CSMD3: variants seen among roughly 807,000 people sequenced by gnomAD.
CSMD3 encodes the protein CUB and Sushi multiple domains 3, also known as CUB and sushi domain-containing protein 3.
CSMD3 carries 177 observed loss-of-function variants against 435.2 expected under a neutral mutation model. The ratio of observed to expected loss-of-function variants is 0.41; its 90% confidence interval spans 0.36 to 0.46. The LOEUF is 0.46. Among genes scored for constraint, CSMD3 ranks in the 20% least tolerant of loss-of-function variants. The pLI is 0.34. For synonymous variants in CSMD3, 1,656 were observed against 1,520.5 expected, an observed-to-expected ratio of 1.09 and a Z score of -2.07; for missense variants, 4,265 against 4,504.6, an observed-to-expected ratio of 0.95 and a Z score of 1.52.
At chr8:112,464,272 A>T (rs2130700702) in intron 32 of CSMD3, among the ~76,000 whole-genome samples, 1 of 151,608 alleles carries the variant, frequency 6.6e-6, no homozygotes, top group Non-Finnish European at 1.5e-5. Context: ...CTTTGCTGAT[A>T]TTGCTATCCA....
intron 22 of CSMD3, among the ~76,000 whole-genome samples, chr8:112,630,385 A>G (rs1019005287): frequency 1.6e-4 from 25 of 152,186 alleles, no homozygotes; most frequent in African/African-American, 5.1e-4. Flanking sequence ...ACAGTCAGAA[A>G]GAGTAGGTTT....
At chr8:112,331,956 T>C (rs938501847) in intron 45 of CSMD3, among the ~76,000 whole-genome samples, 2 of 152,080 alleles carry the variant, frequency 1.3e-5, no homozygotes, top group Non-Finnish European at 2.9e-5. Flanking sequence ...AACAGGCATA[T>C]CTTCTTGTTC....
intron 17 of CSMD3, among the ~76,000 whole-genome samples, chr8:112,663,324 ATGTCCTT>A (rs1167470959): frequency 1.3e-5 from 2 of 152,102 alleles, no homozygotes; most frequent in African/African-American, 4.8e-5. Context: ...TGATGAGTTC[ATGTCCTT>A]TGTAGGGACA....
chr8:112,777,282 T>C (rs1200337417), intron 13 of CSMD3, among the ~76,000 whole-genome samples: 3 of 151,828 alleles, frequency 2.0e-5, no homozygotes, highest in Admixed American at 6.6e-5. Flanking sequence ...GAAAGAAAAG[T>C]AGTATGTTTA....
At chr8:112,535,863 T>C (rs1469728764) in intron 27 of CSMD3, among the ~76,000 whole-genome samples, 3 of 151,966 alleles carry the variant, frequency 2.0e-5, no homozygotes, top group Admixed American at 6.6e-5. Context: ...TCAGAAATAA[T>C]GCCACATACC....
In CSMD3 at chr8:112,468,535, A is replaced by G. The variant is rs1415059306; in HGVS notation, c.5395+4056T>C. Among the ~76,000 whole-genome samples, 10 of 152,104 alleles carry G rather than the reference A, an allele frequency of 6.6e-5. No homozygotes were observed. In the South Asian group the frequency reaches 2.1e-3, roughly 31 times the overall value. On this transcript the variant is annotated intron_variant, in intron 32 of 70. Coordinates refer to ENST00000297405, the MANE Select transcript of CSMD3 (RefSeq NM_198123.2). ...TGGACTCCTATACTCTAGGTATAAT[A>G]CATATTAACAAAAAATTTTCCCTCT...
chr8:112,568,649 A>G (rs1829259075), intron 24 of CSMD3, among the ~76,000 whole-genome samples: 1 of 152,144 alleles, frequency 6.6e-6, no homozygotes, highest in South Asian at 2.1e-4. Flanking sequence ...GTATTTTCAT[A>G]CTAGGTATGC....
intron 45 of CSMD3, among the ~76,000 whole-genome samples, chr8:112,323,956 C>A (rs747110982): frequency 6.6e-6 from 1 of 152,054 alleles, no homozygotes; most frequent in Non-Finnish European, 1.5e-5. Flanking sequence ...CCTACTCACA[C>A]AGCCAGAATT....
chr8:112,925,196 A>C (rs1289184223), intron 9 of CSMD3, among the ~76,000 whole-genome samples: 1 of 151,844 alleles, frequency 6.6e-6, no homozygotes, highest in Non-Finnish European at 1.5e-5. Flanking sequence ...TACAATGTCT[A>C]CTCTGCCAGG....
At chr8:112,929,809 A>G (rs2083047478) in intron 9 of CSMD3, among the ~76,000 whole-genome samples, 1 of 152,112 alleles carries the variant, frequency 6.6e-6, no homozygotes, top group African/African-American at 2.4e-5. Context: ...TACAATATAC[A>G]TACACTTAAG....
At chr8:113,433,368 C>T (rs373217698) in intron 1 of CSMD3, among the ~76,000 whole-genome samples, 3 of 152,136 alleles carry the variant, frequency 2.0e-5, no homozygotes, top group African/African-American at 7.2e-5. Flanking sequence ...CTGAAAGCTC[C>T]GGACATGGCC....
intron 2 of CSMD3, among the ~76,000 whole-genome samples, chr8:113,279,172 A>G (rs1184868290): frequency 6.6e-6 from 1 of 150,724 alleles, no homozygotes; most frequent in East Asian, 1.9e-4. Flanking sequence ...CTCTATGAAG[A>G]GCGATAACAT....
intron 50 of CSMD3, among the ~76,000 whole-genome samples, chr8:112,308,579 C>T (rs1821661606): frequency 6.6e-6 from 1 of 152,006 alleles, no homozygotes; most frequent in Admixed American, 6.5e-5. Context: ...GTAAAAGAGG[C>T]TTGTCTATAC....
At chr8:112,725,499 G>C (rs1191354539) in intron 13 of CSMD3, among the ~76,000 whole-genome samples, 2 of 151,882 alleles carry the variant, frequency 1.3e-5, no homozygotes, top group African/African-American at 4.8e-5. Context: ...TTGTCCCATA[G>C]TAGTTCAAAT....
At chr8:112,925,791 T>C (rs1026657037) in intron 9 of CSMD3, among the ~76,000 whole-genome samples, 1 of 152,244 alleles carries the variant, frequency 6.6e-6, no homozygotes, top group Non-Finnish European at 1.5e-5. Flanking sequence ...GCATCATATA[T>C]GACATTTTGG....
chr8:113,320,693 A>C (rs2093943642), intron 1 of CSMD3, among the ~76,000 whole-genome samples: 1 of 152,034 alleles, frequency 6.6e-6, no homozygotes, highest in East Asian at 1.9e-4. Context: ...CTTTCTTGGA[A>C]ATCTTTTCTT....
intron 1 of CSMD3, among the ~76,000 whole-genome samples, chr8:113,326,577 C>T (rs375321637): frequency 1.1e-4 from 16 of 152,118 alleles, no homozygotes; most frequent in South Asian, 2.1e-4. Context: ...CATATTAGTA[C>T]GCTCTACATT....
chr8:113,240,020 A>G (rs2093195860), intron 3 of CSMD3, among the ~76,000 whole-genome samples: 1 of 152,018 alleles, frequency 6.6e-6, no homozygotes, highest in Non-Finnish European at 1.5e-5. Flanking sequence ...TCCACCCCCG[A>G]TAGGCCCCAG....
chr8:112,885,864 A>T (rs926285238), intron 10 of CSMD3, among the ~76,000 whole-genome samples: 4 of 151,728 alleles, frequency 2.6e-5, no homozygotes, highest in African/African-American at 9.7e-5. Flanking sequence ...TCATCATCCT[A>T]GGAAGACAGA....
Sources: gnomAD v4.1 joint callset for allele counts (sites outside exome capture counted in the v4.1 genomes callset) on GRCh38, gnomAD v4.1.1 for gene constraint, MANE v1.5 for transcripts, NCBI Gene and HGNC (gene_info 2026-07-23, HGNC 2026-07-21) for gene names.